PCDH17: variants seen among roughly 807,000 people sequenced by gnomAD.
PCDH17 encodes the protein protocadherin-17.
Under a neutral mutation model 67.7 loss-of-function variants are expected in PCDH17, and 21 were observed. The observed-to-expected ratio is 0.31, with a 90% CI of 0.22 to 0.45. PCDH17 has a LOEUF of 0.45. Among genes scored for constraint, PCDH17 ranks in the 20% least tolerant of loss-of-function variants. The pLI is 1.00. For missense variants in PCDH17, 1,471 were observed against 1,564.8 expected (o/e 0.94, Z 1.01); for synonymous variants, 701 against 656.7 (o/e 1.07, Z -1.03).
chr13:57,696,218 GACA>G (rs1226857677), intron 3 of PCDH17, among the ~76,000 whole-genome samples: 1 of 151,340 alleles, frequency 6.6e-6, no homozygotes, highest in African/African-American at 2.4e-5. Context: ...ACTTTCAACA[GACA>G]ACATTTGATG....
At chr13:57,714,320 C>A (rs1416822722) in intron 3 of PCDH17, among the ~76,000 whole-genome samples, 1 of 151,694 alleles carries the variant, frequency 6.6e-6, no homozygotes, top group Non-Finnish European at 1.5e-5. Flanking sequence ...AATCAGACAG[C>A]AGGCAGAGAG....
At chr13:57,698,605 A>G (rs1043848809) in intron 3 of PCDH17, among the ~76,000 whole-genome samples, 3 of 151,974 alleles carry the variant, frequency 2.0e-5, no homozygotes, top group Admixed American at 6.6e-5. Context: ...TGAGGACTAT[A>G]TAGTGAAATA....
intron 1 of PCDH17, among the ~76,000 whole-genome samples, chr13:57,638,851 C>T (rs1014700224): frequency 1.3e-5 from 2 of 151,906 alleles, no homozygotes; most frequent in African/African-American, 2.4e-5. Flanking sequence ...CCTTTATTCC[C>T]ACTTTGCTCT....
intron 3 of PCDH17, among the ~76,000 whole-genome samples, chr13:57,684,412 C>A (rs561326482): frequency 6.6e-6 from 1 of 151,884 alleles, no homozygotes; most frequent in African/African-American, 2.4e-5. Flanking sequence ...AAAAATTACA[C>A]CTAGCCTACA....
intron 3 of PCDH17, among the ~76,000 whole-genome samples, chr13:57,720,308 T>C (rs1014841549): frequency 6.6e-6 from 1 of 151,990 alleles, no homozygotes; most frequent in Admixed American, 6.6e-5. Context: ...AATTCTAAAA[T>C]CAGAGACAGT....
chr13:57,639,108 A>G (rs558999275), intron 1 of PCDH17, among the ~76,000 whole-genome samples: 4 of 152,028 alleles, frequency 2.6e-5, no homozygotes, highest in South Asian at 4.1e-4. Flanking sequence ...GCATTCTGGT[A>G]TCTTGAGTAG....
intron 3 of PCDH17, among the ~76,000 whole-genome samples, chr13:57,677,496 T>G (rs1203797989): frequency 6.6e-6 from 1 of 151,720 alleles, no homozygotes; most frequent in Admixed American, 6.6e-5. Flanking sequence ...ATATAGAAGA[T>G]ATATATACAG....
intron 3 of PCDH17, among the ~76,000 whole-genome samples, chr13:57,684,750 T>G (rs1183042747): frequency 6.6e-6 from 1 of 151,998 alleles, no homozygotes; most frequent in East Asian, 1.9e-4. Context: ...ATGATAAGTA[T>G]TTTACTTCAC....
intron 3 of PCDH17, among the ~76,000 whole-genome samples, chr13:57,689,207 A>T (rs1955534452): frequency 6.6e-6 from 1 of 152,042 alleles, no homozygotes. Flanking sequence ...GGTAGACAAC[A>T]ATACTTAGGG....
Position 57,634,800 on chromosome 13 carries a change from C to T in PCDH17, c.2254C>T (p.Leu752=), listed in dbSNP as rs1954796785. ...CRIAEYSHPQ[L]GGGKGKKKKI... ...CATCGCCGAGTACAGCCACCCGCAG[C>T]TGGGTGGGGGCAAGGGCAAGAAGAA... Residue 752 remains leucine, a synonymous_variant, in exon 1 of 4, where the codon CTG becomes TTG. Transcript: ENST00000377918. This position sits in a 1 kb window ranked among gnomAD's most constrained non-coding sequence, Gnocchi z 7.8. 3.1e-6 allele frequency: 5 copies of T among 1,614,008 alleles called. No individual in the cohort carries two copies. Among genetic ancestry groups the T allele is most frequent in the Non-Finnish European group, 4.2e-6 (5 of 1,180,006 alleles).
At chr13:57,724,336 T>C (rs1322382514) in intron 3 of PCDH17, among the ~76,000 whole-genome samples, 1 of 152,200 alleles carries the variant, frequency 6.6e-6, no homozygotes, top group Non-Finnish European at 1.5e-5. Context: ...ATGGTGATGC[T>C]CTATTCTACT....
At chr13:57,638,655 G>A (rs1479572775) in intron 1 of PCDH17, among the ~76,000 whole-genome samples, 1 of 151,964 alleles carries the variant, frequency 6.6e-6, no homozygotes, top group African/African-American at 2.4e-5. Context: ...TTTGATAGAT[G>A]TACATGGCCT....
Position 57,633,776 on chromosome 13 carries a change from C to G in PCDH17, c.1230C>G (p.Val410=). 1.2e-6 allele frequency: 2 copies of G among 1,600,336 alleles called. No homozygotes were observed. The change falls in exon 1 of 4, where the codon GTC becomes GTG. Residue 410 remains valine (V), a synonymous_variant. Transcript: ENST00000377918. The surrounding 1 kb of genome is among the most constrained non-coding windows in gnomAD (Gnocchi z 6.2). ...GCCTGGGCGGGCCCGGGGGTTCCGT[C>G]CCCTTCAAGCTTGAGGAGAACTACG... The part of the protein sequence containing the change: ...GGGLGGPGGS[V]PFKLEENYDN...
chr13:57,672,587 C>T (rs1322108804), intron 3 of PCDH17, among the ~76,000 whole-genome samples: 1 of 151,878 alleles, frequency 6.6e-6, no homozygotes, highest in Non-Finnish European at 1.5e-5. Context: ...CACCTGGGGA[C>T]GAATGTGTGG....
rs983794732 is a variant in PCDH17 at position 57,697,498 on chromosome 13, A to G, written c.2798-27114A>G. Among the ~76,000 whole-genome samples the G allele has an allele frequency of 7.3e-5, 11 of 151,676 alleles. No homozygotes were observed. In the East Asian group the frequency reaches 2.1e-3, roughly 29 times the overall value. ...GCTAAATGATGTTAAGAAGCCAACT[A>G]TTTATTATATCCAGCATGAATTGCT... On this transcript the variant is annotated intron_variant, in intron 3 of 3. Transcript: ENST00000377918.
At chr13:57,704,607 GA>G in intron 3 of PCDH17, among the ~76,000 whole-genome samples, 1 of 149,640 alleles carries the variant, frequency 6.7e-6, no homozygotes, top group African/African-American at 2.4e-5. Context: ...TGAAACCTAA[GA>G]TGTGGGCACA....
At chr13:57,665,337 A>G (rs1456616522) in intron 1 of PCDH17, among the ~76,000 whole-genome samples, 1 of 152,046 alleles carries the variant, frequency 6.6e-6, no homozygotes, top group Non-Finnish European at 1.5e-5. Context: ...TTTTTCAGTA[A>G]TCGCTCACAA....
At chr13:57,659,346 A>G (rs541741132) in intron 1 of PCDH17, among the ~76,000 whole-genome samples, 1 of 152,300 alleles carries the variant, frequency 6.6e-6, no homozygotes, top group East Asian at 1.9e-4. Flanking sequence ...ATTAGAAATT[A>G]GACTTAAAAT....
At chr13:57,700,049 T>C (rs762056776) in intron 3 of PCDH17, among the ~76,000 whole-genome samples, 1 of 152,088 alleles carries the variant, frequency 6.6e-6, no homozygotes, top group Non-Finnish European at 1.5e-5. Context: ...TCCTATCACT[T>C]TCAAAATTGC....
Sources: allele counts gnomAD v4.1 joint callset (sites outside exome capture counted in the v4.1 genomes callset), GRCh38; gene constraint gnomAD v4.1.1; non-coding constraint Gnocchi (gnomAD v3.1); transcripts MANE v1.5; gene names NCBI Gene and HGNC (gene_info 2026-07-23, HGNC 2026-07-21).